FAM222B: variants seen among roughly 807,000 people sequenced by gnomAD.
FAM222B encodes protein FAM222B.
A neutral mutation model predicts 38.0 loss-of-function variants in FAM222B; 12 were observed. The ratio of observed to expected loss-of-function variants is 0.32; its 90% CI spans 0.20 to 0.51. The LOEUF (loss-of-function observed/expected upper bound fraction) is 0.51, where lower values mean the gene tolerates loss of function less well. Among genes scored for constraint, FAM222B ranks in the 20% least tolerant of loss-of-function variants. The pLI is 0.97. For synonymous variants in FAM222B, 329 were observed against 317.2 expected (o/e 1.04, Z -0.40); for missense variants, 716 against 754.2 (o/e 0.95, Z 0.59).
chr17:28,772,172 CAAAAACACCTT>C (rs1306069922), intron 1 of FAM222B, among the ~76,000 whole-genome samples: 1 of 152,158 alleles, frequency 6.6e-6, no homozygotes, highest in Non-Finnish European at 1.5e-5. Context: ...GATGGGGATA[CAAAAACACCTT>C]CACTCAGTGG....
chr17:28,789,411 C>CT (rs1242411672), intron 1 of FAM222B, among the ~76,000 whole-genome samples: 3 of 151,964 alleles, frequency 2.0e-5, no homozygotes, highest in African/African-American at 7.3e-5. Flanking sequence ...CTTAGCCAGG[C>CT]TGGTCTTGAA....
chr17:28,780,085 C>T (rs1430619225), intron 1 of FAM222B, among the ~76,000 whole-genome samples: 3 of 151,810 alleles, frequency 2.0e-5, no homozygotes, highest in African/African-American at 4.8e-5. Context: ...GATTCTCCTT[C>T]GTCAGCCTCC....
chr17:28,768,545 A>G (rs1390325142), intron 1 of FAM222B, among the ~76,000 whole-genome samples: 2 of 152,114 alleles, frequency 1.3e-5, no homozygotes, highest in Non-Finnish European at 2.9e-5. Context: ...CAAGAAAAAA[A>G]AAAAGTCTTG....
chr17:28,776,644 T>G (rs1208544605), intron 1 of FAM222B, among the ~76,000 whole-genome samples: 2 of 151,400 alleles, frequency 1.3e-5, no homozygotes, highest in Non-Finnish European at 2.9e-5. Flanking sequence ...TTTGAAGAGA[T>G]GGGGTCTCAC....
At position 28,849,985 on chromosome 17, in the gene FAM222B, A is replaced by G. The variant is rs535019625; in HGVS notation, c.-41+4965T>C. The stretch of plus-strand genomic sequence containing the variant: ...GTAATCCCAACTACTCAGGAGGCTA[A>G]GGCAGGAGAATCACTTAGAACCCAG... On this transcript the variant is annotated intron_variant, in intron 1 of 2. Transcript: ENST00000577513. Among the ~76,000 whole-genome samples, 3 of 152,228 alleles carry G rather than the reference A, an allele frequency of 2.0e-5. No individual in the cohort carries two copies. In the South Asian group the frequency reaches 6.2e-4, roughly 32 times the overall value.
chr17:28,836,405 G>A (rs965923293), intron 1 of FAM222B, among the ~76,000 whole-genome samples: 1 of 152,038 alleles, frequency 6.6e-6, no homozygotes, highest in Non-Finnish European at 1.5e-5. Flanking sequence ...ACTTTGGGAG[G>A]CCATGAGGCG....
At chr17:28,774,325 C>G (rs1194881253) in intron 1 of FAM222B, among the ~76,000 whole-genome samples, 1 of 152,120 alleles carries the variant, frequency 6.6e-6, no homozygotes, top group Non-Finnish European at 1.5e-5. Context: ...AAGTAGTAAC[C>G]TGGAGCAGGC....
rs1336208995 is a variant in FAM222B, at chr17:28,789,774, A to G, written c.-40-23067T>C. 3.3e-5 allele frequency among the ~76,000 whole-genome samples: 5 copies of G among 152,222 alleles called. No individual in the cohort carries two copies. The East Asian group carries it at 9.6e-4, about 29-fold the overall frequency. On this transcript the variant is annotated intron_variant, in intron 1 of 2. Coordinates refer to ENST00000581407, the MANE Select transcript of FAM222B (RefSeq NM_001077498.3). ...AGAGAAAGTACTAGATGAGTCTAATATATCTTATTGTGCAGGAAAGGAAGT... is the reference window on the plus strand; with the variant it reads ...AGAGAAAGTACTAGATGAGTCTAATGTATCTTATTGTGCAGGAAAGGAAGT...
chr17:28,815,416 G>A (rs1360969453), intron 1 of FAM222B, among the ~76,000 whole-genome samples: 5 of 151,766 alleles, frequency 3.3e-5, no homozygotes, highest in African/African-American at 4.8e-5. Context: ...GGGTTTCACC[G>A]TGTTAGCCAG....
At chr17:28,810,416 TTTGTTTTA>T in intron 1 of FAM222B, among the ~76,000 whole-genome samples, 1 of 152,078 alleles carries the variant, frequency 6.6e-6, no homozygotes, top group Non-Finnish European at 1.5e-5. Context: ...ACTAGCTAAC[TTTGTTTTA>T]CATACTAGCT....
intron 1 of FAM222B, among the ~76,000 whole-genome samples, chr17:28,841,610 G>A (rs998910067): frequency 8.5e-5 from 13 of 152,060 alleles, no homozygotes; most frequent in African/African-American, 3.1e-4. Context: ...TTCTGACCTC[G>A]TGATCCGCCC....
At chr17:28,852,023 G>C (rs1401736043) in intron 1 of FAM222B, among the ~76,000 whole-genome samples, 1 of 151,902 alleles carries the variant, frequency 6.6e-6, no homozygotes. Context: ...CTACACTCCA[G>C]CTCAGACAAC....
At chr17:28,778,766 T>C (rs1312426477) in intron 1 of FAM222B, among the ~76,000 whole-genome samples, 1 of 139,152 alleles carries the variant, frequency 7.2e-6, no homozygotes, top group African/African-American at 2.7e-5. Flanking sequence ...GGTTTTGCCA[T>C]GTTGCCCAGC....
At chr17:28,778,405 G>A (rs888206196) in intron 1 of FAM222B, among the ~76,000 whole-genome samples, 2 of 151,682 alleles carry the variant, frequency 1.3e-5, no homozygotes, top group Non-Finnish European at 2.9e-5. Context: ...CTTCGTTCAT[G>A]TCCCTGCAAA....
At position 28,759,226 on chromosome 17, in the gene FAM222B, A is replaced by C; in HGVS notation, c.733T>G (p.Ser245Ala). The change falls in exon 3 of 3, where the codon TCT becomes GCT. Residue 245 changes from serine to alanine, a missense_variant. Coordinates refer to ENST00000581407, the MANE Select transcript of FAM222B (RefSeq NM_001077498.3). The surrounding 1 kb of genome is among the most constrained non-coding windows in gnomAD (Gnocchi z 4.8). ...ATTGAAAGGGGGATAGTTGAGGTAG[A>C]CACGGTCACATTCGGGGGGGCATCT... The part of the protein sequence containing the change: ...DSDAPPNVTV[S>A]TSTIPLSMAA... 1.9e-6 allele frequency: 3 copies of C among 1,613,498 alleles called. No homozygotes were observed. Among genetic ancestry groups the C allele is most frequent in the Non-Finnish European group, 2.5e-6 (3 of 1,179,786 alleles).
intron 1 of FAM222B, among the ~76,000 whole-genome samples, chr17:28,827,719 G>A (rs1037255411): frequency 6.6e-6 from 1 of 152,104 alleles, no homozygotes; most frequent in Non-Finnish European, 1.5e-5. Context: ...GTCCTTGGAA[G>A]AAAAGAAAAT....
At chr17:28,770,032 C>G (rs2035547496) in intron 1 of FAM222B, among the ~76,000 whole-genome samples, 1 of 152,126 alleles carries the variant, frequency 6.6e-6, no homozygotes, top group African/African-American at 2.4e-5. Context: ...ACCCTGAACT[C>G]AACAATTCCT....
chr17:28,838,335 C>T (rs2038920185), intron 1 of FAM222B, among the ~76,000 whole-genome samples: 1 of 151,622 alleles, frequency 6.6e-6, no homozygotes, highest in African/African-American at 2.4e-5. Flanking sequence ...AATCCCAACA[C>T]TTTGGGAGGC....
chr17:28,844,266 C>T (rs1287728832), upstream of FAM222B, among the ~76,000 whole-genome samples: 1 of 152,110 alleles, frequency 6.6e-6, no homozygotes, highest in African/African-American at 2.4e-5. Context: ...GCGCTGGTCT[C>T]CTCTCTTCAG....
Sources: allele counts gnomAD v4.1 joint callset (sites outside exome capture counted in the v4.1 genomes callset), GRCh38; gene constraint gnomAD v4.1.1; non-coding constraint Gnocchi (gnomAD v3.1); transcripts MANE v1.5; gene names NCBI Gene and HGNC (gene_info 2026-07-23, HGNC 2026-07-21).